Variants in TBC1D16 observed in about 807,000 individuals in gnomAD.
TBC1D16 encodes the protein CTD-2529O21.1.
Under a neutral mutation model 74.7 loss-of-function variants are expected in TBC1D16, and 58 were observed. The ratio of observed to expected loss-of-function variants is 0.78; its 90% CI spans 0.63 to 0.97. The LOEUF is 0.97. Among genes scored for constraint, TBC1D16 ranks in the 50% least tolerant of loss-of-function variants. The pLI is 0.00. For missense variants in TBC1D16, 1,014 were observed against 1,079.5 expected (o/e 0.94, Z 0.85); for synonymous variants, 493 against 474.7 (o/e 1.04, Z -0.50).
Position 79,944,189 on chromosome 17 carries a change from T to G in TBC1D16, c.1908+719A>C. The G allele has an allele frequency of 2.0e-6, 3 of 1,519,116 alleles. No homozygotes were observed. The highest frequency in any genetic ancestry group is 2.7e-6 in the Non-Finnish European group (3 of 1,131,932). 94.1% of individuals were successfully genotyped at this position (1,519,116 alleles called of 1,614,324 possible). On this transcript the variant is annotated intron_variant, in intron 10 of 11. Transcript: ENST00000310924. This position sits in a 1 kb window ranked among gnomAD's most constrained non-coding sequence, Gnocchi z 7.7. The stretch of plus-strand genomic sequence containing the variant: ...GTTTGCCTCCATCTTCAGGGTTCTC[T>G]GACGGAGGCTGCTGGAGCTGCCGTG...
At position 79,950,815 on chromosome 17, in the gene TBC1D16, GC is replaced by G. The variant is rs1297701121; in HGVS notation, c.1090-238del. On this transcript the variant is annotated intron_variant, in intron 5 of 11. Coordinates refer to ENST00000310924, the MANE Select transcript of TBC1D16 (RefSeq NM_019020.4). The surrounding 1 kb of genome is among the most constrained non-coding windows in gnomAD (Gnocchi z 4.6). Reference sequence around the variant, plus strand: ...CTCCTCCCCGGCCCACTGTGCCGCCGCCCCCCACTCTCTCCAACCCCAGCCG... The same window carrying G: ...CTCCTCCCCGGCCCACTGTGCCGCCGCCCCCACTCTCTCCAACCCCAGCCG... 6.5e-7 allele frequency: 1 copy of G among 1,534,962 alleles called. No individual in the cohort carries two copies. The highest frequency in any genetic ancestry group is 8.7e-7 in the Non-Finnish European group (1 of 1,146,240).
At chr17:80,026,454 A>G (rs2036585209) in intron 1 of TBC1D16, among the ~76,000 whole-genome samples, 1 of 149,198 alleles carries the variant, frequency 6.7e-6, no homozygotes, top group African/African-American at 2.6e-5. Context: ...CTTCTGGGGG[A>G]GGGGGGAATC....
At chr17:79,942,303 A>C (rs2032089322) in intron 10 of TBC1D16, 97 bp from the exon 11 acceptor site, 9 of 1,339,362 alleles carry the variant, frequency 6.7e-6, no homozygotes, top group Non-Finnish European at 9.2e-6. Context: ...TGAGGGCTCC[A>C]GGGCGAGGGG....
At chr17:79,953,001 T>A (rs569419824) in intron 3 of TBC1D16, 183 bp from the exon 4 acceptor site, 1 of 529,548 alleles carries the variant, frequency 1.9e-6, no homozygotes, top group Admixed American at 3.8e-5. Flanking sequence ...CACTGCACAG[T>A]TCTACTTCCA....
chr17:80,015,266 C>A (rs1425674068), intron 1 of TBC1D16, among the ~76,000 whole-genome samples: 1 of 151,624 alleles, frequency 6.6e-6, no homozygotes, highest in Non-Finnish European at 1.5e-5. Flanking sequence ...CCCGTCTTGA[C>A]TAAAAATAGA....
At chr17:79,964,353 T>C (rs1175710377) in intron 3 of TBC1D16, among the ~76,000 whole-genome samples, 5 of 152,224 alleles carry the variant, frequency 3.3e-5, no homozygotes, top group Non-Finnish European at 7.3e-5. Flanking sequence ...ACATACATGA[T>C]CTGCAAATAT....
At chr17:80,025,725 C>T (rs981662275) in intron 1 of TBC1D16, 1 of 148,514 alleles carries the variant, frequency 6.7e-6, no homozygotes, top group African/African-American at 2.6e-5. Context: ...ACTTCTGGTC[C>T]ACTTCTGTCC....
chr17:79,951,737 C>T, intron 4 of TBC1D16, 140 bp from the exon 5 acceptor site: 7 of 1,023,850 alleles, frequency 6.8e-6, no homozygotes, highest in East Asian at 5.3e-5. Flanking sequence ...TGGCTGCTAG[C>T]GGGAGGGGAC....
In TBC1D16 at chr17:79,953,863, C is replaced by T. The variant is rs542621944; in HGVS notation, c.780-1045G>A. On this transcript the variant is annotated intron_variant, in intron 3 of 11. Transcript: ENST00000310924. ...TCGGCTCACTGCCACTTCTGCCTTCCGGGTTCAAGCGATTCTCCTGCCTCA... is the reference window on the plus strand; with the variant it reads ...TCGGCTCACTGCCACTTCTGCCTTCTGGGTTCAAGCGATTCTCCTGCCTCA... 5.3e-5 allele frequency among the ~76,000 whole-genome samples: 8 copies of T among 151,976 alleles called. No individual in the cohort carries two copies. In the South Asian group the frequency reaches 8.3e-4, roughly 16 times the overall value.
rs1162747463 is a variant in TBC1D16, at chr17:80,008,627, A to G, written c.779+1533T>C. On this transcript the variant is annotated intron_variant, in intron 3 of 11. Coordinates refer to ENST00000310924, the MANE Select transcript of TBC1D16 (RefSeq NM_019020.4). This position sits in a 1 kb window ranked among gnomAD's most constrained non-coding sequence, Gnocchi z 4.5. Reference sequence around the variant, plus strand: ...GGCCTGCGGGACCCAGGCCAGGACCAGAGTTCGGGCCCCGCCTCCCCCACA... The same window carrying G: ...GGCCTGCGGGACCCAGGCCAGGACCGGAGTTCGGGCCCCGCCTCCCCCACA... 5.3e-5 allele frequency among the ~76,000 whole-genome samples: 8 copies of G among 152,148 alleles called. No individual in the cohort carries two copies.
chr17:80,018,377 G>A, intron 1 of TBC1D16, among the ~76,000 whole-genome samples: 1 of 149,084 alleles, frequency 6.7e-6, no homozygotes, highest in Non-Finnish European at 1.5e-5. Flanking sequence ...CGCCTCCCAG[G>A]TTCACGCCAT....
Position 79,932,586 on chromosome 17 carries a change from G to A in TBC1D16, c.*8273C>T, listed in dbSNP as rs916470866. 1 of 152,196 alleles carries A rather than the reference G, an allele frequency of 6.6e-6. No homozygotes were observed. The highest frequency in any genetic ancestry group is 1.5e-5 in the Non-Finnish European group (1 of 68,050). The allele number at this position is 152,196 out of a possible 1,614,324, so 9.4% of individuals were successfully genotyped here. On this transcript the variant is annotated 3_prime_UTR_variant, in exon 12 of 12. Transcript: ENST00000310924. ...AGATTTTAAAACTGCTAGACCATGT[G>A]CCAATTCACATTGACTTGTAGCCAC...
At chr17:79,949,960 GCGCCTTGAT>G in intron 6 of TBC1D16, 95 bp from the exon 7 acceptor site, 2 of 1,441,412 alleles carry the variant, frequency 1.4e-6, no homozygotes, top group South Asian at 2.6e-5. Context: ...GGTTTTTGGT[GCGCCTTGAT>G]TCAGATCTCT....
Position 79,941,762 on chromosome 17 carries a change from G to A in TBC1D16, c.2055+298C>T, listed in dbSNP as rs962834071. ...CCAGGGTAGGGAACCTGTCCTGTCCGTCAGCCCCGGTGAATTCGTTCCCTC... is the reference window on the plus strand; with the variant it reads ...CCAGGGTAGGGAACCTGTCCTGTCCATCAGCCCCGGTGAATTCGTTCCCTC... On this transcript the variant is annotated intron_variant, in intron 11 of 11. Coordinates refer to ENST00000310924, the MANE Select transcript of TBC1D16 (RefSeq NM_019020.4). This position sits in a 1 kb window ranked among gnomAD's most constrained non-coding sequence, Gnocchi z 4.3. 4.6e-5 allele frequency among the ~76,000 whole-genome samples: 7 copies of A among 152,294 alleles called. No homozygotes were observed. The highest frequency in any genetic ancestry group is 7.2e-5 in the African/African-American group (3 of 41,566).
chr17:79,963,409 C>T (rs562172948), intron 3 of TBC1D16, among the ~76,000 whole-genome samples: 25 of 152,216 alleles, frequency 1.6e-4, no homozygotes, highest in African/African-American at 4.6e-4. Flanking sequence ...CATGCCGTAG[C>T]GTGGGTCAGA....
chr17:80,002,220 C>A (rs866548884), intron 3 of TBC1D16, among the ~76,000 whole-genome samples: 1 of 152,218 alleles, frequency 6.6e-6, no homozygotes. Context: ...CTGGACTCTT[C>A]CCCGAGAGCC....
Position 80,009,722 on chromosome 17 carries a change from G to A in TBC1D16, c.779+438C>T, listed in dbSNP as rs1169875671. Among the ~76,000 whole-genome samples the A allele has an allele frequency of 6.6e-6, 1 of 152,216 alleles. No individual in the cohort carries two copies. The highest frequency in any genetic ancestry group is 1.9e-4 in the East Asian group (1 of 5,188). ...CGGGGAGCTGGAGACCAGCACATCT[G>A]GGCTTGGGCCAGCCCTGTGCGTGAG... On this transcript the variant is annotated intron_variant, in intron 3 of 11. Transcript: ENST00000310924. This position sits in a 1 kb window ranked among gnomAD's most constrained non-coding sequence, Gnocchi z 5.4.
At position 79,961,120 on chromosome 17, in the gene TBC1D16, A is replaced by G. The variant is rs930743415; in HGVS notation, c.780-8302T>C. On this transcript the variant is annotated intron_variant, in intron 3 of 11. Coordinates refer to ENST00000310924, the MANE Select transcript of TBC1D16 (RefSeq NM_019020.4). The surrounding 1 kb of genome is among the most constrained non-coding windows in gnomAD (Gnocchi z 4.8). ...GCTAAACAAACAATGGTACATCTTA[A>G]CAAGGGAATACATACGCCTCAGCAA... Among the ~76,000 whole-genome samples the G allele has an allele frequency of 6.6e-6, 1 of 152,238 alleles. No homozygotes were observed. The highest frequency in any genetic ancestry group is 2.4e-5 in the African/African-American group (1 of 41,476).
At chr17:79,962,542 C>A (rs1489038104) in intron 3 of TBC1D16, among the ~76,000 whole-genome samples, 2 of 151,922 alleles carry the variant, frequency 1.3e-5, no homozygotes, top group African/African-American at 4.8e-5. Flanking sequence ...ATGTACAGTT[C>A]AGGTATTAAA....
Sources: allele counts gnomAD v4.1 joint callset (sites outside exome capture counted in the v4.1 genomes callset), GRCh38; gene constraint gnomAD v4.1.1; non-coding constraint Gnocchi (gnomAD v3.1); transcripts MANE v1.5; gene names NCBI Gene and HGNC (gene_info 2026-07-23, HGNC 2026-07-21).